LRRC8C: variants seen among roughly 807,000 people sequenced by gnomAD.
The protein encoded by LRRC8C is leucine rich repeat containing 8 VRAC subunit C, also known as volume-regulated anion channel subunit LRRC8C.
Under a neutral mutation model 55.3 loss-of-function variants are expected in LRRC8C, and 20 were observed. The ratio of observed to expected loss-of-function variants is 0.36; its 90% CI spans 0.25 to 0.53. The LOEUF (loss-of-function observed/expected upper bound fraction) is 0.53. Among genes scored for constraint, LRRC8C ranks in the 20% least tolerant of loss-of-function variants. LRRC8C has a pLI of 0.92. For missense variants in LRRC8C, 659 were observed against 951.4 expected, an observed-to-expected ratio of 0.69 and a Z score of 4.04; for synonymous variants, 376 against 360.7, an observed-to-expected ratio of 1.04 and a Z score of -0.48.
intron 1 of LRRC8C, among the ~76,000 whole-genome samples, chr1:89,650,063 A>G (rs566968343): frequency 2.6e-5 from 4 of 152,334 alleles, no homozygotes; most frequent in African/African-American, 9.6e-5. Context: ...ACTGTAAGTA[A>G]CTGTTTACAG....
At chr1:89,641,768 T>C (rs1656462766) in intron 1 of LRRC8C, among the ~76,000 whole-genome samples, 1 of 152,228 alleles carries the variant, frequency 6.6e-6, no homozygotes, top group Admixed American at 6.5e-5. Context: ...ACTGGTTTTC[T>C]ATACCAGGGA....
At chr1:89,638,964 C>CCTA (rs1557645046) in intron 1 of LRRC8C, among the ~76,000 whole-genome samples, 1 of 47,512 alleles carries the variant, frequency 2.1e-5, no homozygotes. Flanking sequence ...TTTTATTTTA[C>CCTA]TTATTATTTT....
chr1:89,641,224 TC>T (rs1166447855), intron 1 of LRRC8C, among the ~76,000 whole-genome samples: 1 of 152,204 alleles, frequency 6.6e-6, no homozygotes, highest in African/African-American at 2.4e-5. Flanking sequence ...ACAAATAATT[TC>T]TGAGCATGTG....
At chr1:89,630,851 T>A (rs1656087486), upstream of LRRC8C, among the ~76,000 whole-genome samples, 1 of 152,232 alleles carries the variant, frequency 6.6e-6, no homozygotes, top group Non-Finnish European at 1.5e-5. Flanking sequence ...ATTTAAGGTT[T>A]ACATGCTACA....
chr1:89,618,623 A>G, the LRRC8C span, among the ~76,000 whole-genome samples: 1 of 152,224 alleles, frequency 6.6e-6, no homozygotes, highest in African/African-American at 2.4e-5. Flanking sequence ...GGAAATGCAA[A>G]GGGAGGAAAG....
At chr1:89,681,963 G>A (rs1056410283) in intron 1 of LRRC8C, among the ~76,000 whole-genome samples, 2 of 152,186 alleles carry the variant, frequency 1.3e-5, no homozygotes, top group Admixed American at 6.5e-5. Flanking sequence ...AGATCACGAG[G>A]TCAGGAGATC....
chr1:89,719,063 C>G lies in LRRC8C; in HGVS notation c.*4081C>G, dbSNP rs1248507055. ...CACTCATTCCATCTTCCCAAAGTCA[C>G]TCACCGATAAAGGTAGCATCCTTAA... On this transcript the variant is annotated 3_prime_UTR_variant, in exon 3 of 3. Transcript: ENST00000370454. 2.0e-5 allele frequency: 3 copies of G among 152,134 alleles called. No homozygotes were observed. The highest frequency in any genetic ancestry group is 4.4e-5 in the Non-Finnish European group (3 of 68,012). 9.4% of individuals were successfully genotyped at this position (152,134 alleles called of 1,614,324 possible).
At chr1:89,712,130 G>T (rs1313073878) in intron 2 of LRRC8C, among the ~76,000 whole-genome samples, 2 of 150,688 alleles carry the variant, frequency 1.3e-5, no homozygotes, top group Admixed American at 6.6e-5. Context: ...TTTTTTTTTT[G>T]AGACAAAATT....
chr1:89,700,677 T>C (rs749372646), intron 2 of LRRC8C, among the ~76,000 whole-genome samples: 5 of 152,206 alleles, frequency 3.3e-5, no homozygotes, highest in African/African-American at 4.8e-5. Context: ...TCCGTCAGAC[T>C]GGGGGCAAGT....
At chr1:89,659,596 A>G (rs919257982) in intron 1 of LRRC8C, among the ~76,000 whole-genome samples, 10 of 152,174 alleles carry the variant, frequency 6.6e-5, no homozygotes, top group African/African-American at 2.4e-4. Flanking sequence ...TTTCCTTTAT[A>G]CATAAAGAGA....
chr1:89,671,182 G>A (rs918519554), intron 1 of LRRC8C, among the ~76,000 whole-genome samples: 1 of 152,106 alleles, frequency 6.6e-6, no homozygotes, highest in African/African-American at 2.4e-5. Context: ...TCCCACCTCA[G>A]CCACCCCAGT....
In LRRC8C at chr1:89,712,824, A is replaced by G. The variant is rs1298123217; in HGVS notation, c.254A>G (p.Lys85Arg). The G allele has an allele frequency of 6.2e-7, 1 of 1,614,114 alleles. No homozygotes were observed. The highest frequency in any genetic ancestry group is 1.1e-5 in the South Asian group (1 of 91,064). The change falls in exon 3 of 3, where the codon AAA becomes AGA. Residue 85 changes from lysine (K) to arginine (R), a missense_variant. Around this residue, in one of 5 missense-constraint regions of LRRC8C, gnomAD observed 82 missense variants for 71.4 expected, o/e 1.15. Transcript: ENST00000370454. ...AGTACCACTCCACTGCCTCCACCTA[A>G]ACCATCTCCTGCTAACCCCATCACT... ...VASTTPLPPP[K>R]PSPANPITVE...
intron 1 of LRRC8C, among the ~76,000 whole-genome samples, chr1:89,647,886 G>T (rs1460802498): frequency 6.6e-6 from 1 of 152,016 alleles, no homozygotes; most frequent in Non-Finnish European, 1.5e-5. Context: ...AACATGGTGA[G>T]AGCCATCTCT....
intron 1 of LRRC8C, among the ~76,000 whole-genome samples, chr1:89,671,946 A>T (rs1005358420): frequency 3.3e-5 from 5 of 152,200 alleles, no homozygotes; most frequent in Admixed American, 2.6e-4. Context: ...AGAGCATGTC[A>T]TGTGTTGCCC....
chr1:89,640,800 A>G (rs191201600), intron 1 of LRRC8C, among the ~76,000 whole-genome samples: 2 of 152,304 alleles, frequency 1.3e-5, no homozygotes, highest in African/African-American at 4.8e-5. Flanking sequence ...ATAATAGAAA[A>G]CATGCAGGTG....
intron 1 of LRRC8C, among the ~76,000 whole-genome samples, chr1:89,640,966 C>T (rs755681647): frequency 9.2e-5 from 14 of 152,112 alleles, no homozygotes; most frequent in Non-Finnish European, 1.9e-4. Context: ...CAGGGTGGTA[C>T]ATTGAATAAA....
At chr1:89,662,930 G>A (rs545483427) in intron 1 of LRRC8C, among the ~76,000 whole-genome samples, 34 of 152,090 alleles carry the variant, frequency 2.2e-4, no homozygotes, top group South Asian at 1.7e-3. Flanking sequence ...CCATCAACCC[G>A]TCGTCTACAT....
chr1:89,715,002 T>C lies in LRRC8C; in HGVS notation c.*20T>C. 6.6e-7 allele frequency: 1 copy of C among 1,518,716 alleles called. No homozygotes were observed. Among genetic ancestry groups the C allele is most frequent in the Non-Finnish European group, 8.9e-7 (1 of 1,123,014 alleles). 94.1% of individuals were successfully genotyped at this position (1,518,716 alleles called of 1,614,324 possible). A position where few individuals can be genotyped will look rare whatever the true frequency, so the allele number is the denominator to read the frequency against. ...GAATAACTTATTTTTCGTTAAAGTT[T>C]GACTGAAACACGCTTCTACCAAATA... On this transcript the variant is annotated 3_prime_UTR_variant, in exon 3 of 3. Transcript: ENST00000370454.
At chr1:89,712,406 C>T (rs954621200) in intron 2 of LRRC8C, among the ~76,000 whole-genome samples, 4 of 152,156 alleles carry the variant, frequency 2.6e-5, no homozygotes, top group South Asian at 2.1e-4. Flanking sequence ...AGCCACTGCG[C>T]CTGGCTGCTA....
Sources: allele counts gnomAD v4.1 joint callset (sites outside exome capture counted in the v4.1 genomes callset), GRCh38; gene constraint gnomAD v4.1.1; regional missense constraint gnomAD v4.1.1; transcripts MANE v1.5; gene names NCBI Gene and HGNC (gene_info 2026-07-23, HGNC 2026-07-21).